The following C3orf20 variants were observed in gnomAD, a reference collection of about 807,000 sequenced individuals.
C3orf20 encodes uncharacterized protein C3orf20.
In C3orf20, 76 loss-of-function variants were observed where a neutral mutation model predicts 88.3. The ratio of observed to expected loss-of-function variants is 0.86; its 90% confidence interval spans 0.72 to 1.04. The LOEUF is 1.04. Among genes scored for constraint, C3orf20 ranks in the 50% least tolerant of loss-of-function variants. C3orf20 has a pLI of 0.00. For synonymous variants in C3orf20, 436 were observed against 437.4 expected (o/e 1.00, Z 0.04); for missense variants, 1,056 against 1,123.3 (o/e 0.94, Z 0.86).
chr3:14,682,532 T>C (rs756550863), intron 2 of C3orf20, 46 bp from the exon 3 acceptor site: 2 of 777,066 alleles, frequency 2.6e-6, no homozygotes, highest in Non-Finnish European at 4.1e-6. Context: ...CCCCTTGCCC[T>C]ACTATGGGGA....
intron 12 of C3orf20, among the ~76,000 whole-genome samples, chr3:14,751,801 A>T (rs907976712): frequency 6.6e-6 from 1 of 152,196 alleles, no homozygotes; most frequent in Non-Finnish European, 1.5e-5. Context: ...TTCAAGGAGG[A>T]CTACAAACCA....
chr3:14,771,240 C>T (rs181767978), intron 15 of C3orf20, among the ~76,000 whole-genome samples: 41 of 152,382 alleles, frequency 2.7e-4, no homozygotes, highest in African/African-American at 9.6e-4. Flanking sequence ...TCTGCAGGTT[C>T]CTTGATGACG....
chr3:14,684,693 G>C (rs2032304152), intron 4 of C3orf20, among the ~76,000 whole-genome samples: 2 of 152,220 alleles, frequency 1.3e-5, no homozygotes, highest in South Asian at 4.1e-4. Context: ...AAAATTTCCA[G>C]TCTGTTGTGG....
rs555373585 is a variant in C3orf20, at chr3:14,701,477, A to G, written c.746-1653A>G. 0.015 allele frequency among the ~76,000 whole-genome samples: 633 copies of G among 41,738 alleles called. 2 individuals are homozygous for G. The highest frequency in any genetic ancestry group is 0.034 in the Non-Finnish European group (513 of 14,894). The allele number at this position is 41,738 out of a possible 152,430, so 27.4% of individuals were successfully genotyped here. A position where few individuals can be genotyped will look rare whatever the true frequency, so the allele number is the denominator to read the frequency against. On this transcript the variant is annotated intron_variant, in intron 5 of 16. Transcript: ENST00000253697. The surrounding 1 kb of genome is among the most constrained non-coding windows in gnomAD (Gnocchi z 4.6). ...GACTAAATAGATGCCCCTGGAACCT[A>G]GGGTGGGATATCACTGCCACGACTC... is the stretch of plus-strand genomic sequence containing the variant.
At chr3:14,681,193 A>G (rs1409780067) in intron 1 of C3orf20, among the ~76,000 whole-genome samples, 1 of 152,210 alleles carries the variant, frequency 6.6e-6, no homozygotes, top group African/African-American at 2.4e-5. Context: ...AACAAGAAAG[A>G]TGATAGCCTT....
rs540960934 is a variant in C3orf20 at position 14,733,275 on chromosome 3, A to G, written c.1940+4587A>G. On this transcript the variant is annotated intron_variant, in intron 12 of 16. Transcript: ENST00000253697. ...ATTGTGGTGAATTATATAGATATTA[A>G]TATGGATATATTTCAGATGTTCAAC... 2.9e-3 allele frequency among the ~76,000 whole-genome samples: 444 copies of G among 152,290 alleles called. 1 individual carries two copies. Among genetic ancestry groups the G allele is most frequent in the Middle Eastern group, 0.014 (4 of 294 alleles).
At chr3:14,742,358 T>C (rs1334275950) in intron 12 of C3orf20, among the ~76,000 whole-genome samples, 2 of 152,166 alleles carry the variant, frequency 1.3e-5, no homozygotes, top group Non-Finnish European at 2.9e-5. Context: ...TGAGAATAAA[T>C]GTATAAATTG....
At chr3:14,767,346 C>T (rs1419337795) in intron 15 of C3orf20, 2 of 152,408 alleles carry the variant, frequency 1.3e-5, no homozygotes, top group Non-Finnish European at 2.9e-5. Context: ...GAAAAGATGA[C>T]CCCGGGCCCT....
At chr3:14,735,228 A>G (rs2034667907) in intron 12 of C3orf20, among the ~76,000 whole-genome samples, 1 of 151,838 alleles carries the variant, frequency 6.6e-6, no homozygotes, top group African/African-American at 2.4e-5. Flanking sequence ...ACATTAATAT[A>G]ATTACTTAAA....
chr3:14,753,691 A>T (rs1431942563), intron 12 of C3orf20, among the ~76,000 whole-genome samples: 1 of 152,190 alleles, frequency 6.6e-6, no homozygotes, highest in African/African-American at 2.4e-5. Context: ...CCTGGAAATC[A>T]AATTTCACCT....
intron 15 of C3orf20, among the ~76,000 whole-genome samples, chr3:14,767,886 C>G (rs896257575): frequency 2.0e-5 from 3 of 152,250 alleles, no homozygotes; most frequent in Admixed American, 2.0e-4. Flanking sequence ...TCCTACCCTT[C>G]AAAGCAGTTT....
intron 12 of C3orf20, among the ~76,000 whole-genome samples, chr3:14,742,548 A>C (rs1453972165): frequency 6.6e-6 from 1 of 152,230 alleles, no homozygotes; most frequent in Non-Finnish European, 1.5e-5. Context: ...CATAGAACCT[A>C]GTCCTAAAAT....
In C3orf20 at chr3:14,704,434, C is replaced by A. The variant is rs780464445; in HGVS notation, c.976C>A (p.Arg326Ser). 6.2e-7 allele frequency: 1 copy of A among 1,613,982 alleles called. No homozygotes were observed. The highest frequency in any genetic ancestry group is 8.5e-7 in the Non-Finnish European group (1 of 1,180,026). ...AKMPSHLMLA[R>S]KGDSQTPGLH... Reference sequence around the variant, plus strand: ...GATGCCCTCTCATCTAATGTTGGCCCGCAAAGGAGACTCTCAGACCCCGGG... The same window carrying A: ...GATGCCCTCTCATCTAATGTTGGCCAGCAAAGGAGACTCTCAGACCCCGGG... The change falls in exon 7 of 17, where the codon CGC becomes AGC. Residue 326 changes from arginine (R) to serine (S), a missense_variant. Physicochemically the swap from Arg to Ser is moderately radical, Grantham distance 110. Coordinates refer to ENST00000253697, the MANE Select transcript of C3orf20 (RefSeq NM_032137.5).
chr3:14,710,228 T>C (rs1313531349), intron 7 of C3orf20, among the ~76,000 whole-genome samples: 2 of 152,076 alleles, frequency 1.3e-5, no homozygotes, highest in Non-Finnish European at 1.5e-5. Context: ...TTTCTGATTT[T>C]AGGAATTTGA....
At position 14,682,785 on chromosome 3, in the gene C3orf20, C is replaced by T. The variant is rs1202611256; in HGVS notation, c.72C>T (p.Arg24=). ...CCATGGCCCCCAAGCTACTGGCCCG[C>T]ATCTCCAAACTCCTCATGATCTGCC... ...YTAMAPKLLA[R]ISKLLMICQN... is the part of the protein sequence containing the mutation. Residue 24 remains arginine (R), a synonymous_variant, in exon 3 of 17, where the codon CGC becomes CGT. Transcript: ENST00000253697. The T allele has an allele frequency of 1.2e-6, 2 of 1,614,070 alleles. No individual in the cohort carries two copies. The highest frequency in any genetic ancestry group is 1.7e-6 in the Non-Finnish European group (2 of 1,180,040).
chr3:14,676,871 C>G (rs2031800641), intron 1 of C3orf20, among the ~76,000 whole-genome samples: 1 of 152,224 alleles, frequency 6.6e-6, no homozygotes, highest in South Asian at 2.1e-4. Flanking sequence ...GTGGCCCCAA[C>G]TCTGCTCACC....
At chr3:14,750,549 T>A (rs1382092702) in intron 12 of C3orf20, among the ~76,000 whole-genome samples, 1 of 100,674 alleles carries the variant, frequency 9.9e-6, no homozygotes, top group African/African-American at 4.3e-5. Flanking sequence ...AATGAGACCC[T>A]GTCTTAAAAA....
In C3orf20 at chr3:14,721,606, G is replaced by A. The variant is rs771244801; in HGVS notation, c.1435-47G>A. On this transcript the variant is annotated intron_variant, in intron 9 of 16. Coordinates refer to ENST00000253697, the MANE Select transcript of C3orf20 (RefSeq NM_032137.5). ...GTGGTGGGTCAGGAAGGGGTGGCTG[G>A]GGCCGTTGAAGCAGGGATTCTCTGA... The A allele has an allele frequency of 1.2e-5, 20 of 1,604,396 alleles. No homozygotes were observed. In the Middle Eastern group the frequency reaches 5.0e-4, roughly 40 times the overall value.
chr3:14,740,404 G>GCC (rs1410575370), intron 12 of C3orf20, among the ~76,000 whole-genome samples: 1 of 152,076 alleles, frequency 6.6e-6, no homozygotes, highest in East Asian at 1.9e-4. Flanking sequence ...GTTCATTGGT[G>GCC]CCCCCAAACA....
Sources: allele counts gnomAD v4.1 joint callset (sites outside exome capture counted in the v4.1 genomes callset), GRCh38; gene constraint gnomAD v4.1.1; non-coding constraint Gnocchi (gnomAD v3.1); transcripts MANE v1.5; gene names NCBI Gene and HGNC (gene_info 2026-07-23, HGNC 2026-07-21).